The following PTGER4 variants were observed in gnomAD, a reference collection of about 807,000 sequenced individuals.
PTGER4 encodes prostaglandin E2 receptor EP4 subtype.
PTGER4 carries 11 observed loss-of-function variants against 33.2 expected under a neutral mutation model. That is an observed-to-expected ratio of 0.33 (90% CI 0.21 to 0.55). The LOEUF (loss-of-function observed/expected upper bound fraction) is 0.55, where lower values mean the gene tolerates loss of function less well. Among genes scored for constraint, PTGER4 ranks in the 20% least tolerant of loss-of-function variants. The pLI is 0.92. For missense variants in PTGER4, 481 were observed against 650.2 expected, an observed-to-expected ratio of 0.74 and a Z score of 2.83; for synonymous variants, 275 against 281.5, an observed-to-expected ratio of 0.98 and a Z score of 0.23.
chr5:40,684,951 C>G (rs1421724078), intron 2 of PTGER4, among the ~76,000 whole-genome samples: 1 of 152,054 alleles, frequency 6.6e-6, no homozygotes, highest in African/African-American at 2.4e-5. Flanking sequence ...AGCAAGACAG[C>G]CTCCTAAGGT....
the PTGER4 span, chr5:40,746,794 A>G: frequency 6.2e-7 from 1 of 1,606,958 alleles, no homozygotes; most frequent in African/African-American, 1.3e-5. Context: ...CTTTAAATAC[A>G]TACCTTTTAT....
the PTGER4 span, among the ~76,000 whole-genome samples, chr5:40,708,336 A>C: frequency 6.6e-6 from 1 of 152,240 alleles, no homozygotes; most frequent in Admixed American, 6.5e-5. Flanking sequence ...ACAATAAAAA[A>C]TGATAAAGGG....
the PTGER4 span, among the ~76,000 whole-genome samples, chr5:40,725,134 C>T: frequency 1.3e-5 from 2 of 151,902 alleles, no homozygotes; most frequent in Admixed American, 6.6e-5. Context: ...AGGCATGAGC[C>T]ACCATGCCCA....
chr5:40,704,238 A>G, the PTGER4 span, among the ~76,000 whole-genome samples: 10 of 152,184 alleles, frequency 6.6e-5, no homozygotes, highest in Non-Finnish European at 1.3e-4. Flanking sequence ...CAAAAACCAC[A>G]TGATTATCTC....
At chr5:40,723,443 A>C in the PTGER4 span, among the ~76,000 whole-genome samples, 122 of 152,314 alleles carry the variant, frequency 8.0e-4, no homozygotes, top group African/African-American at 1.5e-3. Flanking sequence ...ATACTAAAAA[A>C]ATTTAAAAAA....
chr5:40,691,685 G>T lies in PTGER4; in HGVS notation c.868-94G>T. The T allele has an allele frequency of 6.8e-7, 1 of 1,460,996 alleles. No homozygotes were observed. Among genetic ancestry groups the T allele is most frequent in the South Asian group, 1.4e-5 (1 of 71,974 alleles). 90.5% of individuals were successfully genotyped at this position (1,460,996 alleles called of 1,614,324 possible). A position where few individuals can be genotyped will look rare whatever the true frequency, so the allele number is the denominator to read the frequency against. On this transcript the variant is annotated intron_variant, in intron 2 of 2. Coordinates refer to ENST00000302472, the MANE Select transcript of PTGER4 (RefSeq NM_000958.3). This position sits in a 1 kb window ranked among gnomAD's most constrained non-coding sequence, Gnocchi z 4.2. ...CTGGAACTTGTTACCAGAAATGAAGGCAGCTTCCTAATATTGATAAGGTAG... is the reference window on the plus strand; with the variant it reads ...CTGGAACTTGTTACCAGAAATGAAGTCAGCTTCCTAATATTGATAAGGTAG...
Position 40,692,486 on chromosome 5 carries a change from A to G in PTGER4, c.*108A>G. ...TGCTCAGAAGGGCTATCATCATCCT[A>G]CAACTCACATTAGAGAACATCCTGG... On this transcript the variant is annotated 3_prime_UTR_variant, in exon 3 of 3. Transcript: ENST00000302472. The G allele has an allele frequency of 6.7e-7, 1 of 1,491,918 alleles. No homozygotes were observed. Among genetic ancestry groups the G allele is most frequent in the Non-Finnish European group, 8.9e-7 (1 of 1,128,796 alleles). The allele number at this position is 1,491,918 out of a possible 1,614,324, so 92.4% of individuals were successfully genotyped here. A position where few individuals can be genotyped will look rare whatever the true frequency, so the allele number is the denominator to read the frequency against.
chr5:40,697,948 T>C (rs2111829120), downstream of PTGER4, among the ~76,000 whole-genome samples: 1 of 151,800 alleles, frequency 6.6e-6, no homozygotes, highest in East Asian at 1.9e-4. Flanking sequence ...AAGAATGAAA[T>C]CATGTCCTCT....
chr5:40,686,322 T>A (rs919751101), intron 2 of PTGER4, among the ~76,000 whole-genome samples: 3 of 152,202 alleles, frequency 2.0e-5, no homozygotes, highest in African/African-American at 7.2e-5. Flanking sequence ...TCTTCAACAT[T>A]CCCTGCAAAC....
the PTGER4 span, among the ~76,000 whole-genome samples, chr5:40,744,487 GTTTTT>G: frequency 3.7e-5 from 5 of 136,414 alleles, no homozygotes; most frequent in African/African-American, 1.4e-4. Context: ...ACTCTTACCA[GTTTTT>G]TTTTTTTTTT....
chr5:40,730,546 T>C, the PTGER4 span, among the ~76,000 whole-genome samples: 3 of 152,170 alleles, frequency 2.0e-5, no homozygotes, highest in Non-Finnish European at 2.9e-5. Context: ...TCCAGAACTT[T>C]TTCATCTTCC....
At chr5:40,697,583 C>CAAAAAAAA (rs768811169), downstream of PTGER4, among the ~76,000 whole-genome samples, 3 of 94,766 alleles carry the variant, frequency 3.2e-5, no homozygotes, top group Admixed American at 1.1e-4. Flanking sequence ...AATTCCATCT[C>CAAAAAAAA]AAAAAAAAAA....
In PTGER4 at chr5:40,680,969, A is replaced by G. The variant is rs749367985; in HGVS notation, c.-25A>G. 15 of 1,586,278 alleles carry G rather than the reference A, an allele frequency of 9.5e-6. No homozygotes were observed. Among genetic ancestry groups the G allele is most frequent in the Middle Eastern group, 1.7e-4 (1 of 5,906 alleles). On this transcript the variant is annotated 5_prime_UTR_variant, in exon 2 of 3. Transcript: ENST00000302472. The surrounding 1 kb of genome is among the most constrained non-coding windows in gnomAD (Gnocchi z 5.5). ...TCCCCAGACCCAGCCTTGCACTCCA[A>G]GGCTGCGCACCGCCAGCCACTATCA...
the PTGER4 span, among the ~76,000 whole-genome samples, chr5:40,741,382 G>A: frequency 6.6e-6 from 1 of 152,190 alleles, no homozygotes; most frequent in Non-Finnish European, 1.5e-5. Flanking sequence ...GCTGAAGCTT[G>A]AATAGCTCTC....
chr5:40,734,690 A>C, the PTGER4 span, among the ~76,000 whole-genome samples: 1 of 152,218 alleles, frequency 6.6e-6, no homozygotes, highest in Non-Finnish European at 1.5e-5. Flanking sequence ...TTAACAGCTT[A>C]TTCACTTTAT....
the PTGER4 span, among the ~76,000 whole-genome samples, chr5:40,701,878 C>A: frequency 6.6e-6 from 1 of 152,140 alleles, no homozygotes; most frequent in Non-Finnish European, 1.5e-5. Flanking sequence ...GGCCTATGTT[C>A]AACATCATAA....
At chr5:40,726,616 G>GA in the PTGER4 span, among the ~76,000 whole-genome samples, 2 of 148,138 alleles carry the variant, frequency 1.4e-5, no homozygotes, top group African/African-American at 4.9e-5. Context: ...CATATCAACA[G>GA]AAAAAAAAAA....
chr5:40,702,413 A>G, the PTGER4 span, among the ~76,000 whole-genome samples: 18 of 152,332 alleles, frequency 1.2e-4, no homozygotes, highest in South Asian at 3.7e-3. Flanking sequence ...CAAAAAAGAC[A>G]AAGAAGGCAT....
chr5:40,719,827 T>G, the PTGER4 span, among the ~76,000 whole-genome samples: 2 of 152,252 alleles, frequency 1.3e-5, no homozygotes, highest in Admixed American at 1.3e-4. Context: ...ATTAGCTGTG[T>G]GTGTATCTTC....
Sources: gnomAD v4.1 joint callset for allele counts (sites outside exome capture counted in the v4.1 genomes callset) on GRCh38, gnomAD v4.1.1 for gene constraint, Gnocchi (gnomAD v3.1) non-coding constraint, MANE v1.5 for transcripts, NCBI Gene and HGNC (gene_info 2026-07-23, HGNC 2026-07-21) for gene names.